Variants in TNR observed in about 807,000 individuals in gnomAD.
TNR encodes tenascin-R.
Under a neutral mutation model 150.4 loss-of-function variants are expected in TNR, and 45 were observed. The ratio of observed to expected loss-of-function variants is 0.30; its 90% CI spans 0.24 to 0.38. TNR has a LOEUF of 0.38. TNR is among the 10% of genes least tolerant of loss of function. The pLI is 1.00. For synonymous variants in TNR, 687 were observed against 678.4 expected, an observed-to-expected ratio of 1.01 and a Z score of -0.20; for missense variants, 1,544 against 1,759.1, an observed-to-expected ratio of 0.88 and a Z score of 2.19.
At chr1:175,652,672 G>T (rs1665036401) in intron 1 of TNR, among the ~76,000 whole-genome samples, 1 of 152,100 alleles carries the variant, frequency 6.6e-6, no homozygotes, top group Non-Finnish European at 1.5e-5. Context: ...CTCTGCCATG[G>T]TAAGACGTGC....
At chr1:175,595,132 A>G (rs575478536) in intron 1 of TNR, among the ~76,000 whole-genome samples, 1 of 152,286 alleles carries the variant, frequency 6.6e-6, no homozygotes, top group Non-Finnish European at 1.5e-5. Flanking sequence ...ACACCACTGC[A>G]CTCCAGCCTG....
chr1:175,670,114 G>A (rs1213028861), intron 1 of TNR, among the ~76,000 whole-genome samples: 4 of 152,192 alleles, frequency 2.6e-5, no homozygotes, highest in South Asian at 2.1e-4. Flanking sequence ...TTGAGTTTCC[G>A]GAGTATTGGA....
rs530279340 is a variant in TNR, at chr1:175,321,753, G to A, written c.*1604C>T. ...TCACCTATTCACCTTTGGATTTCTG[G>A]ATGTAATTTCCTTTGGCTATTGTCA... On this transcript the variant is annotated 3_prime_UTR_variant, in exon 23 of 23. Coordinates refer to ENST00000367674, the MANE Select transcript of TNR (RefSeq NM_003285.3). 6.6e-6 allele frequency: 1 copy of A among 152,266 alleles called. No homozygotes were observed. The highest frequency in any genetic ancestry group is 2.1e-4 in the South Asian group (1 of 4,826). The allele number at this position is 152,266 out of a possible 1,614,324, so 9.4% of individuals were successfully genotyped here.
intron 2 of TNR, among the ~76,000 whole-genome samples, chr1:175,516,823 C>A (rs1399362612): frequency 6.6e-6 from 1 of 151,990 alleles, no homozygotes; most frequent in East Asian, 1.9e-4. Context: ...ATTTGTAGTG[C>A]ATTTTTTAGT....
At position 175,403,114 on chromosome 1, in the gene TNR, A is replaced by G. The variant is rs181790823; in HGVS notation, c.976+26T>C. 1.5e-5 allele frequency: 23 copies of G among 1,578,326 alleles called. No homozygotes were observed. The East Asian group carries it at 5.0e-4, about 34-fold the overall frequency. On this transcript the variant is annotated intron_variant, in intron 4 of 22. Coordinates refer to ENST00000367674, the MANE Select transcript of TNR (RefSeq NM_003285.3). ...TAGTTTGCTGGACCACCCTTGCCAA[A>G]CACCCCAGAGAGTTCCCCTGCCTAC... is the stretch of plus-strand genomic sequence containing the variant.
chr1:175,481,532 C>T lies in TNR; in HGVS notation c.-64+46737G>A, dbSNP rs553010844. 8.7e-4 allele frequency among the ~76,000 whole-genome samples: 133 copies of T among 152,098 alleles called. 1 individual carries two copies. The highest frequency in any genetic ancestry group is 7.9e-3 in the Admixed American group (120 of 15,260). On this transcript the variant is annotated intron_variant, in intron 2 of 22. Coordinates refer to ENST00000367674, the MANE Select transcript of TNR (RefSeq NM_003285.3). ...GAGAGGACAGGACACTTTCCCAGCC[C>T]GTGGATGGCCAATGCAGCTGAGGTG... is the stretch of plus-strand genomic sequence containing the variant.
At chr1:175,682,002 G>C (rs893639374) in intron 1 of TNR, among the ~76,000 whole-genome samples, 1 of 152,110 alleles carries the variant, frequency 6.6e-6, no homozygotes, top group African/African-American at 2.4e-5. Flanking sequence ...GTGCCTTGCA[G>C]AGTAGGTGAT....
In TNR at chr1:175,424,922, C is replaced by A. The variant is rs571323772; in HGVS notation, c.-63-18145G>T. On this transcript the variant is annotated intron_variant, in intron 2 of 22. Coordinates refer to ENST00000367674, the MANE Select transcript of TNR (RefSeq NM_003285.3). ...AGCAAAAAATATCAAGCTGAAGACC[C>A]TGGAGGGTGACTCAAGCCAGAGGGC... Among the ~76,000 whole-genome samples the A allele has an allele frequency of 2.4e-4, 37 of 152,074 alleles. 1 individual carries two copies. The highest frequency in any genetic ancestry group is 1.0e-3 in the Admixed American group (16 of 15,288).
At chr1:175,427,404 A>G (rs376334603) in intron 2 of TNR, among the ~76,000 whole-genome samples, 3 of 152,322 alleles carry the variant, frequency 2.0e-5, no homozygotes, top group East Asian at 3.9e-4. Flanking sequence ...CATGAAATCC[A>G]TATAAAAATT....
chr1:175,436,563 C>T (rs1655519894), intron 2 of TNR, among the ~76,000 whole-genome samples: 1 of 152,056 alleles, frequency 6.6e-6, no homozygotes, highest in Non-Finnish European at 1.5e-5. Flanking sequence ...GCTAAATGCC[C>T]CAATTAAAAG....
chr1:175,416,957 A>G (rs984670085), intron 2 of TNR, among the ~76,000 whole-genome samples: 12 of 149,020 alleles, frequency 8.1e-5, no homozygotes, highest in Admixed American at 2.0e-4. Context: ...GCAGTGAGCC[A>G]AGATTGCGCC....
At chr1:175,701,504 C>T (rs1472893441) in intron 1 of TNR, among the ~76,000 whole-genome samples, 1 of 152,248 alleles carries the variant, frequency 6.6e-6, no homozygotes, top group Non-Finnish European at 1.5e-5. Flanking sequence ...GTGGTCCACA[C>T]TGGATGCACC....
chr1:175,667,661 G>A (rs1043108263), intron 1 of TNR, among the ~76,000 whole-genome samples: 30 of 152,172 alleles, frequency 2.0e-4, no homozygotes, highest in Non-Finnish European at 3.8e-4. Flanking sequence ...GGGCATTGTC[G>A]GGAGCAGCTG....
At chr1:175,384,746 T>G (rs1652846611) in intron 8 of TNR, among the ~76,000 whole-genome samples, 1 of 152,224 alleles carries the variant, frequency 6.6e-6, no homozygotes, top group Admixed American at 6.5e-5. Context: ...AGTCCTAACC[T>G]GGATAGTCTC....
chr1:175,579,620 G>A (rs1662267990), intron 1 of TNR, among the ~76,000 whole-genome samples: 1 of 151,166 alleles, frequency 6.6e-6, no homozygotes, highest in South Asian at 2.1e-4. Context: ...ATGTTATCTA[G>A]TATCAGTTAT....
intron 1 of TNR, among the ~76,000 whole-genome samples, chr1:175,640,968 G>A (rs1303896241): frequency 6.6e-6 from 1 of 151,992 alleles, no homozygotes; most frequent in Non-Finnish European, 1.5e-5. Context: ...AACCTAGATT[G>A]TTGATGTAGA....
At position 175,338,589 on chromosome 1, in the gene TNR, CA is replaced by C. The variant is rs558725713; in HGVS notation, c.3383-911del. 3.1e-4 allele frequency among the ~76,000 whole-genome samples: 47 copies of C among 152,266 alleles called. 1 individual carries two copies. In the South Asian group the frequency reaches 9.6e-3, roughly 31 times the overall value. On this transcript the variant is annotated intron_variant, in intron 18 of 22. Coordinates refer to ENST00000367674, the MANE Select transcript of TNR (RefSeq NM_003285.3). ...TATGATCTTCTGGGTTGATGAAGAG[CA>C]TGCTGCGATTGATCTAGTTCTGCAT...
intron 20 of TNR, among the ~76,000 whole-genome samples, chr1:175,333,624 A>G (rs778303792): frequency 3.9e-5 from 6 of 152,192 alleles, no homozygotes; most frequent in Admixed American, 1.3e-4. Flanking sequence ...GGTACCTACT[A>G]TCTCTCAGGC....
chr1:175,690,963 A>C (rs1471462642), intron 1 of TNR, among the ~76,000 whole-genome samples: 2 of 152,218 alleles, frequency 1.3e-5, no homozygotes, highest in Non-Finnish European at 2.9e-5. Context: ...TTTGGGAACT[A>C]ATCAACTTGG....
Sources: allele counts gnomAD v4.1 joint callset (sites outside exome capture counted in the v4.1 genomes callset), GRCh38; gene constraint gnomAD v4.1.1; transcripts MANE v1.5; gene names NCBI Gene and HGNC (gene_info 2026-07-23, HGNC 2026-07-21).